NPAS2: variants seen among roughly 807,000 people sequenced by gnomAD.
NPAS2 encodes neuronal PAS domain-containing protein 2.
NPAS2 carries 23 observed loss-of-function variants against 107.5 expected under a neutral mutation model. The observed-to-expected ratio is 0.21, with a 90% CI of 0.15 to 0.30. NPAS2 has a LOEUF of 0.30. Among genes scored for constraint, NPAS2 ranks in the 10% least tolerant of loss-of-function variants. The pLI is 1.00. For missense variants in NPAS2, 756 were observed against 1,043.3 expected, an observed-to-expected ratio of 0.72 and a Z score of 3.79; for synonymous variants, 403 against 417.5, an observed-to-expected ratio of 0.97 and a Z score of 0.42.
intron 1 of NPAS2, among the ~76,000 whole-genome samples, chr2:100,899,420 A>G (rs529885300): frequency 6.6e-6 from 1 of 151,956 alleles, no homozygotes; most frequent in African/African-American, 2.4e-5. Flanking sequence ...ATGGGGTTTC[A>G]CCGTGTTTCC....
chr2:100,834,215 GAA>G (rs957330137), intron 1 of NPAS2, among the ~76,000 whole-genome samples: 1 of 152,128 alleles, frequency 6.6e-6, no homozygotes, highest in African/African-American at 2.4e-5. Context: ...TGCTTCCAGA[GAA>G]TCCATAAGAA....
In NPAS2 at chr2:100,820,784, C is replaced by G. The variant is rs1451893587; in HGVS notation, c.-23+370C>G. ...CCAGGGCAACAGCTTTGGGGATTGCCCGTGGTTGTCTTCGAGACCCATCGC... is the reference window on the plus strand; with the variant it reads ...CCAGGGCAACAGCTTTGGGGATTGCGCGTGGTTGTCTTCGAGACCCATCGC... On this transcript the variant is annotated intron_variant, in intron 1 of 20. Coordinates refer to ENST00000335681, the MANE Select transcript of NPAS2 (RefSeq NM_002518.4). The surrounding 1 kb of genome is among the most constrained non-coding windows in gnomAD (Gnocchi z 5.6). 6.6e-6 allele frequency among the ~76,000 whole-genome samples: 1 copy of G among 152,138 alleles called. No individual in the cohort carries two copies. Among genetic ancestry groups the G allele is most frequent in the African/African-American group, 2.4e-5 (1 of 41,454 alleles).
chr2:100,875,461 T>TACACACACACAC lies in NPAS2; in HGVS notation c.-22-29238_-22-29227dup, dbSNP rs56331462. The stretch of plus-strand genomic sequence containing the variant: ...ATAAAATTTTTAAAAATTAAAAGCT[T>TACACACACACAC]ACACACACACACACACACACACACA... On this transcript the variant is annotated intron_variant, in intron 1 of 20. Coordinates refer to ENST00000335681, the MANE Select transcript of NPAS2 (RefSeq NM_002518.4). 1.1e-3 allele frequency among the ~76,000 whole-genome samples: 154 copies of TACACACACACAC among 143,660 alleles called. 1 individual carries two copies. Among genetic ancestry groups the TACACACACACAC allele is most frequent in the African/African-American group, 3.2e-3 (123 of 38,702 alleles). 94.2% of individuals were successfully genotyped at this position (143,660 alleles called of 152,430 possible). A position where few individuals can be genotyped will look rare whatever the true frequency, so the allele number is the denominator to read the frequency against.
chr2:100,889,943 C>T (rs762253071), intron 1 of NPAS2, among the ~76,000 whole-genome samples: 24 of 143,790 alleles, frequency 1.7e-4, no homozygotes, highest in Non-Finnish European at 2.4e-4. Context: ...AGATTGAGAG[C>T]GTGGGGTGGG....
In NPAS2 at chr2:100,851,334, A is replaced by G. The variant is rs188924356; in HGVS notation, c.-23+30920A>G. 2.3e-3 allele frequency among the ~76,000 whole-genome samples: 358 copies of G among 152,346 alleles called. 1 individual carries two copies. The highest frequency in any genetic ancestry group is 0.01 in the Middle Eastern group (3 of 294). On this transcript the variant is annotated intron_variant, in intron 1 of 20. Coordinates refer to ENST00000335681, the MANE Select transcript of NPAS2 (RefSeq NM_002518.4). ...CAATTTTTAAAAATCAAAAATCCTG[A>G]AAGGTACTTCCTGTGGATGTGCAAT...
intron 16 of NPAS2, chr2:100,983,259 T>A (rs1411828831): frequency 1.3e-5 from 2 of 152,276 alleles, no homozygotes; most frequent in Non-Finnish European, 2.9e-5. Context: ...ACGCAGACCC[T>A]CCCCTGGCCA....
At chr2:100,821,820 T>C (rs571555685) in intron 1 of NPAS2, among the ~76,000 whole-genome samples, 7 of 152,262 alleles carry the variant, frequency 4.6e-5, no homozygotes, top group South Asian at 2.1e-4. Context: ...CCCAAATAAA[T>C]AGTGTAATGT....
At chr2:100,887,076 C>T (rs547118029) in intron 1 of NPAS2, among the ~76,000 whole-genome samples, 71 of 152,294 alleles carry the variant, frequency 4.7e-4, no homozygotes, top group Non-Finnish European at 9.6e-4. Context: ...TTTGCTTCCT[C>T]GTTGGCCTGG....
chr2:100,990,769 TCTG>T lies in NPAS2; in HGVS notation c.2019-8_2019-6del. 5 of 1,613,254 alleles carry T rather than the reference TCTG, an allele frequency of 3.1e-6. No homozygotes were observed. In the East Asian group the frequency reaches 1.1e-4, roughly 36 times the overall value. On this transcript the variant is annotated splice_polypyrimidine_tract_variant and splice_region_variant and intron_variant, in intron 18 of 20. Transcript: ENST00000335681. ...CTGATCAGTTTCCTATTTCCCCACC[TCTG>T]CTTAAAGGCTGTTGCTGAGCCAGCC...
Position 100,968,183 on chromosome 2 carries a change from T to A in NPAS2, c.908-98T>A. 7.6e-7 allele frequency: 1 copy of A among 1,309,862 alleles called. No homozygotes were observed. The highest frequency in any genetic ancestry group is 1.1e-6 in the Non-Finnish European group (1 of 928,790). 81.1% of individuals were successfully genotyped at this position (1,309,862 alleles called of 1,614,324 possible). A position where few individuals can be genotyped will look rare whatever the true frequency, so the allele number is the denominator to read the frequency against. On this transcript the variant is annotated intron_variant, in intron 10 of 20. Coordinates refer to ENST00000335681, the MANE Select transcript of NPAS2 (RefSeq NM_002518.4). The surrounding 1 kb of genome is among the most constrained non-coding windows in gnomAD (Gnocchi z 5.3). ...GGGAAACAAGCCATGTTTGGTATTG[T>A]CTTTTTTTTTGAAAGCTTATCTTTA...
chr2:100,936,234 C>T (rs368680198), intron 4 of NPAS2, among the ~76,000 whole-genome samples: 46 of 152,338 alleles, frequency 3.0e-4, no homozygotes, highest in African/African-American at 8.2e-4. Flanking sequence ...TGGCCTCTTC[C>T]GGGTTCCCGC....
At chr2:100,975,102 C>A (rs576128252) in intron 13 of NPAS2, among the ~76,000 whole-genome samples, 158 bp downstream of exon 13, 1 of 152,156 alleles carries the variant, frequency 6.6e-6, no homozygotes, top group Non-Finnish European at 1.5e-5. Context: ...CCAGACTTCC[C>A]GCCTCCTGAT....
chr2:100,944,387 C>T (rs1437075759), intron 5 of NPAS2, among the ~76,000 whole-genome samples: 1 of 152,146 alleles, frequency 6.6e-6, no homozygotes. Flanking sequence ...GGTGTCCCTG[C>T]ACTGGTGCTG....
intron 1 of NPAS2, among the ~76,000 whole-genome samples, chr2:100,834,285 G>T (rs1045681722): frequency 6.6e-6 from 1 of 152,140 alleles, no homozygotes; most frequent in Non-Finnish European, 1.5e-5. Flanking sequence ...GGAGGGCCAC[G>T]CCACAGGCCA....
At chr2:100,935,204 T>C (rs1573657611) in intron 4 of NPAS2, 1 of 518,520 alleles carries the variant, frequency 1.9e-6, no homozygotes, top group Non-Finnish European at 2.5e-6. Context: ...CCAAAGTGCC[T>C]GTGGCCTGCG....
chr2:100,892,184 T>C (rs1353713196), intron 1 of NPAS2, among the ~76,000 whole-genome samples: 1 of 152,214 alleles, frequency 6.6e-6, no homozygotes, highest in Non-Finnish European at 1.5e-5. Context: ...AAGAATAATA[T>C]GTTGTGTTAG....
chr2:100,913,111 T>C (rs183464531), intron 2 of NPAS2, among the ~76,000 whole-genome samples: 22 of 152,244 alleles, frequency 1.4e-4, no homozygotes, highest in African/African-American at 4.8e-4. Context: ...CCGGTGGGAA[T>C]TGGGAACATG....
At chr2:100,935,537 G>A (rs1037182403) in intron 4 of NPAS2, among the ~76,000 whole-genome samples, 5 of 152,176 alleles carry the variant, frequency 3.3e-5, no homozygotes, top group African/African-American at 1.2e-4. Context: ...ACTCAGTGCA[G>A]TTCTCATAGA....
At chr2:100,855,498 C>T (rs1312113587) in intron 1 of NPAS2, among the ~76,000 whole-genome samples, 2 of 152,228 alleles carry the variant, frequency 1.3e-5, no homozygotes, top group African/African-American at 4.8e-5. Context: ...CACTAGCATT[C>T]CGAGTTGCTT....
Sources: allele counts gnomAD v4.1 joint callset (sites outside exome capture counted in the v4.1 genomes callset), GRCh38; gene constraint gnomAD v4.1.1; non-coding constraint Gnocchi (gnomAD v3.1); transcripts MANE v1.5; gene names NCBI Gene and HGNC (gene_info 2026-07-23, HGNC 2026-07-21).